RBBP4: variants seen among roughly 807,000 people sequenced by gnomAD.
The protein encoded by RBBP4 is RB binding protein 4, chromatin remodeling factor.
Under a neutral mutation model 57.2 loss-of-function variants are expected in RBBP4, and 3 were observed. That is an observed-to-expected ratio of 0.05 (90% CI 0.02 to 0.14). The LOEUF is 0.14. Among genes scored for constraint, RBBP4 ranks in the 10% least tolerant of loss-of-function variants. RBBP4 has a pLI of 1.00. For synonymous variants in RBBP4, 151 were observed against 171.5 expected (o/e 0.88, Z 0.93); for missense variants, 107 against 520.6 (o/e 0.21, Z 7.73).
chr1:32,651,779 A>T, intron 1 of RBBP4, 135 bp from the exon 2 acceptor site: 1 of 1,059,286 alleles, frequency 9.4e-7, no homozygotes, highest in Non-Finnish European at 1.4e-6. Context: ...GAGAGTGTGG[A>T]TGCCTCTGCC....
At chr1:32,675,625 C>T (rs1013146094) in intron 11 of RBBP4, among the ~76,000 whole-genome samples, 27 of 151,544 alleles carry the variant, frequency 1.8e-4, no homozygotes, top group Admixed American at 1.2e-3. Context: ...AAAAATTAGC[C>T]GGGCGTGGTG....
chr1:32,663,599 C>G (rs1268959533), intron 3 of RBBP4, among the ~76,000 whole-genome samples: 4 of 148,662 alleles, frequency 2.7e-5, no homozygotes, highest in Non-Finnish European at 5.9e-5. Context: ...TTTTTTGAGA[C>G]AGAGTCTCGC....
intron 3 of RBBP4, among the ~76,000 whole-genome samples, chr1:32,664,444 C>CT (rs891943477): frequency 6.6e-6 from 1 of 151,856 alleles, no homozygotes; most frequent in South Asian, 2.1e-4. Flanking sequence ...AGCTATGCTT[C>CT]TTTTTTTGTT....
chr1:32,655,137 C>A (rs1233738433), intron 2 of RBBP4, among the ~76,000 whole-genome samples: 1 of 152,074 alleles, frequency 6.6e-6, no homozygotes, highest in East Asian at 1.9e-4. Context: ...TACAGGCACA[C>A]GCTACCATAC....
intron 2 of RBBP4, among the ~76,000 whole-genome samples, chr1:32,655,435 CCTT>C (rs1481094060): frequency 1.3e-5 from 2 of 152,180 alleles, no homozygotes; most frequent in East Asian, 3.8e-4. Flanking sequence ...ACTGTCCTCT[CCTT>C]CATTCTTTTT....
chr1:32,671,558 A>T (rs527923858), intron 8 of RBBP4, among the ~76,000 whole-genome samples: 1 of 152,072 alleles, frequency 6.6e-6, no homozygotes, highest in East Asian at 1.9e-4. Context: ...AACAGACAAG[A>T]TGTGATGTTT....
At chr1:32,667,925 CTG>C (rs772581248) in intron 3 of RBBP4, among the ~76,000 whole-genome samples, 1 of 152,092 alleles carries the variant, frequency 6.6e-6, no homozygotes, top group Non-Finnish European at 1.5e-5. Flanking sequence ...AGGGGGAAAT[CTG>C]TACATGTTCA....
Position 32,657,532 on chromosome 1 carries a change from T to G in RBBP4, c.270T>G (p.Asp90Glu). 1 of 1,614,144 alleles carries G rather than the reference T, an allele frequency of 6.2e-7. No homozygotes were observed. The highest frequency in any genetic ancestry group is 8.5e-7 in the Non-Finnish European group (1 of 1,180,022). The change falls in exon 3 of 12, where the codon GAT (aspartate) becomes GAG (glutamate). Residue 90 changes from aspartate (D) to glutamate (E), a missense_variant. By Grantham distance (45) the Asp-to-Glu change is conservative. This residue lies in a region of RBBP4 where 92 missense variants were observed against 408.5 expected (regional missense o/e 0.23). Coordinates refer to ENST00000373493, the MANE Select transcript of RBBP4 (RefSeq NM_005610.3). ...VIASVQLPND[D>E]AQFDASHYDS... ...CCAGTGTGCAGCTCCCTAATGATGA[T>G]GCTCAGTTTGATGCGTCACACTACG...
At chr1:32,651,628 C>T (rs1174979216) in intron 1 of RBBP4, 6 of 821,858 alleles carry the variant, frequency 7.3e-6, no homozygotes, top group African/African-American at 1.7e-5. Context: ...CCACAAGGCT[C>T]GGAGCTCGGG....
rs1648791703 is a variant in RBBP4, at chr1:32,669,736, A to G, written c.966+173A>G. Among the ~76,000 whole-genome samples, 1 of 152,098 alleles carries G rather than the reference A, an allele frequency of 6.6e-6. No homozygotes were observed. Among genetic ancestry groups the G allele is most frequent in the African/African-American group, 2.4e-5 (1 of 41,412 alleles). ...AAACCCTGTCTCTACTAAAAATATA[A>G]AAAATTAGCCGGGCATGGTGGCGGA... On this transcript the variant is annotated intron_variant, in intron 8 of 11. Transcript: ENST00000373493. This position sits in a 1 kb window ranked among gnomAD's most constrained non-coding sequence, Gnocchi z 4.9.
chr1:32,668,065 G>C (rs1648729994), intron 3 of RBBP4, among the ~76,000 whole-genome samples, 160 bp from the exon 4 acceptor site: 1 of 151,900 alleles, frequency 6.6e-6, no homozygotes, highest in South Asian at 2.1e-4. Flanking sequence ...AGTCACGGGG[G>C]TAGGAAAGCA....
At chr1:32,656,223 C>G (rs1648132685) in intron 2 of RBBP4, among the ~76,000 whole-genome samples, 1 of 152,242 alleles carries the variant, frequency 6.6e-6, no homozygotes, top group Non-Finnish European at 1.5e-5. Context: ...AGGAAGTAGT[C>G]TTTCTCTGTC....
Position 32,682,072 on chromosome 1 carries a change from T to C in RBBP4, c.*2367T>C, listed in dbSNP as rs1417462374. On this transcript the variant is annotated 3_prime_UTR_variant, in exon 12 of 12. Transcript: ENST00000373493. ...AAACGTTTTCTCTGCTAGGTTAACT[T>C]CTTACAGGTATAATTACAATGCCTG... 1.8e-6 allele frequency: 1 copy of C among 551,114 alleles called. No individual in the cohort carries two copies. 34.1% of individuals were successfully genotyped at this position (551,114 alleles called of 1,614,324 possible).
chr1:32,670,786 A>G (rs575000575), intron 8 of RBBP4, among the ~76,000 whole-genome samples: 1 of 152,314 alleles, frequency 6.6e-6, no homozygotes, highest in Admixed American at 6.5e-5. Flanking sequence ...AATTACTATA[A>G]TAAAAGATTT....
intron 2 of RBBP4, among the ~76,000 whole-genome samples, chr1:32,655,523 G>A (rs1648102787): frequency 6.6e-6 from 1 of 152,082 alleles, no homozygotes. Flanking sequence ...TCTTTTCAGT[G>A]TAATGTAGAA....
In RBBP4 at chr1:32,664,871, A is replaced by C. The variant is rs185480103; in HGVS notation, c.311-3354A>C. ...GCAAATATATAAAGCAAACCACACA[A>C]ATTTTTTGTATGTTTACACTATACT... On this transcript the variant is annotated intron_variant, in intron 3 of 11. Transcript: ENST00000373493. 7.2e-5 allele frequency among the ~76,000 whole-genome samples: 11 copies of C among 152,256 alleles called. No homozygotes were observed. In the East Asian group the frequency reaches 9.6e-4, roughly 13 times the overall value.
chr1:32,666,168 A>G (rs527660305), intron 3 of RBBP4, among the ~76,000 whole-genome samples: 4 of 152,276 alleles, frequency 2.6e-5, no homozygotes, highest in African/African-American at 9.6e-5. Context: ...ACTGAAATAA[A>G]AGAAACACTG....
chr1:32,664,204 C>T (rs1029942558), intron 3 of RBBP4, among the ~76,000 whole-genome samples: 11 of 152,310 alleles, frequency 7.2e-5, no homozygotes, highest in African/African-American at 2.6e-4. Flanking sequence ...ACTTTGATAA[C>T]ACTGATGTTA....
intron 3 of RBBP4, among the ~76,000 whole-genome samples, chr1:32,660,894 C>G (rs1648375033): frequency 6.6e-6 from 1 of 152,226 alleles, no homozygotes. Flanking sequence ...ACTGCAACCT[C>G]TGCCTCCTGG....
Sources: gnomAD v4.1 joint callset for allele counts (sites outside exome capture counted in the v4.1 genomes callset) on GRCh38, gnomAD v4.1.1 for gene constraint, gnomAD v4.1.1 regional missense constraint, Gnocchi (gnomAD v3.1) non-coding constraint, MANE v1.5 for transcripts, NCBI Gene and HGNC (gene_info 2026-07-23, HGNC 2026-07-21) for gene names.